The following RYR3 variants were observed in gnomAD, a reference collection of about 807,000 sequenced individuals.
The protein encoded by RYR3 is ryanodine receptor 3.
In RYR3, 207 loss-of-function variants were observed where a neutral mutation model predicts 584.3. That is an observed-to-expected ratio of 0.35 (90% CI 0.32 to 0.40). The LOEUF (loss-of-function observed/expected upper bound fraction) is 0.40, where lower values mean the gene tolerates loss of function less well. Among genes scored for constraint, RYR3 ranks in the 10% least tolerant of loss-of-function variants. The pLI is 1.00. For missense variants in RYR3, 5,616 were observed against 6,089.2 expected (o/e 0.92, Z 2.59); for synonymous variants, 2,416 against 2,248.5 (o/e 1.07, Z -2.11).
intron 19 of RYR3, among the ~76,000 whole-genome samples, 186 bp from the exon 20 acceptor site, chr15:33,623,621 G>A (rs145203248): frequency 1.3e-5 from 2 of 152,164 alleles, no homozygotes; most frequent in Admixed American, 1.3e-4. Context: ...CAGCCTTGAT[G>A]CTCACTTACC....
chr15:33,841,614 TAA>T (rs1296294342), intron 90 of RYR3, among the ~76,000 whole-genome samples: 11 of 152,180 alleles, frequency 7.2e-5, no homozygotes, highest in Non-Finnish European at 1.3e-4. Flanking sequence ...AAAAAATTGT[TAA>T]GTCTAATTTC....
intron 32 of RYR3, among the ~76,000 whole-genome samples, chr15:33,653,941 C>A (rs921257270): frequency 1.3e-5 from 2 of 152,150 alleles, no homozygotes; most frequent in Non-Finnish European, 2.9e-5. Context: ...TGTAACCAAG[C>A]AGTTCTCAAA....
chr15:33,419,400 C>T lies in RYR3; in HGVS notation c.52-54019C>T, dbSNP rs140650155. On this transcript the variant is annotated intron_variant, in intron 1 of 103. Transcript: ENST00000634891. ...AATCCATTTCAGGTGGAAAAGTTGG[C>T]TTTTGGAGGTGCATTGTGTGCCAGG... 2.0e-5 allele frequency among the ~76,000 whole-genome samples: 3 copies of T among 152,202 alleles called. No homozygotes were observed. In the East Asian group the frequency reaches 5.8e-4, roughly 29 times the overall value.
rs575589748 is a variant in RYR3 at position 33,780,178 on chromosome 15, G to A, written c.9138-33G>A. The A allele has an allele frequency of 5.4e-5, 86 of 1,607,326 alleles. No individual in the cohort carries two copies. The East Asian group carries it at 1.7e-3, about 31-fold the overall frequency. On this transcript the variant is annotated intron_variant, in intron 64 of 103. Coordinates refer to ENST00000634891, the MANE Select transcript of RYR3 (RefSeq NM_001036.6). Reference sequence around the variant, plus strand: ...AATGCATGGGGCCAGCATGTGGGGGGCCACACTTCTCAATGGACTTCTTTG... The same window carrying A: ...AATGCATGGGGCCAGCATGTGGGGGACCACACTTCTCAATGGACTTCTTTG...
chr15:33,492,415 AT>A (rs2051039548), intron 2 of RYR3, among the ~76,000 whole-genome samples: 1 of 151,158 alleles, frequency 6.6e-6, no homozygotes, highest in Admixed American at 6.6e-5. Context: ...GCTGCTAATT[AT>A]TTTTTAAATC....
intron 13 of RYR3, 55 bp from the exon 14 acceptor site, chr15:33,581,453 G>T: frequency 6.4e-7 from 1 of 1,559,292 alleles, no homozygotes; most frequent in South Asian, 1.1e-5. Flanking sequence ...AGAGCATAAG[G>T]GACTGTGCTT....
At chr15:33,442,745 C>G (rs537116321) in intron 1 of RYR3, among the ~76,000 whole-genome samples, 53 of 152,320 alleles carry the variant, frequency 3.5e-4, no homozygotes, top group Admixed American at 1.1e-3. Context: ...GGCACTCATC[C>G]AGTATCAGTA....
intron 1 of RYR3, among the ~76,000 whole-genome samples, chr15:33,421,602 A>G (rs1402825090): frequency 1.3e-5 from 2 of 152,166 alleles, no homozygotes; most frequent in Non-Finnish European, 2.9e-5. Context: ...GGTTTTTGAA[A>G]GATCAGTAGG....
At chr15:33,826,449 C>T (rs573850593) in intron 83 of RYR3, among the ~76,000 whole-genome samples, 180 bp downstream of exon 83, 1 of 152,258 alleles carries the variant, frequency 6.6e-6, no homozygotes, top group South Asian at 2.1e-4. Flanking sequence ...GGACCGTGAG[C>T]CATTTACTCT....
chr15:33,332,452 T>C (rs952430221), intron 1 of RYR3, among the ~76,000 whole-genome samples: 2 of 152,054 alleles, frequency 1.3e-5, no homozygotes, highest in Admixed American at 6.5e-5. Context: ...AGTTGAAAGA[T>C]ACAATTAATA....
intron 65 of RYR3, among the ~76,000 whole-genome samples, chr15:33,781,168 G>C (rs1037662277): frequency 6.6e-6 from 1 of 152,162 alleles, no homozygotes; most frequent in African/African-American, 2.4e-5. Flanking sequence ...GAGGGTGCTT[G>C]TATCTGGGTT....
intron 1 of RYR3, among the ~76,000 whole-genome samples, chr15:33,355,775 C>T (rs16969986): frequency 0.078 from 11,942 of 152,164 alleles, 554 homozygotes; most frequent in Middle Eastern, 0.12. Context: ...TAGGTATAAC[C>T]GGTGCCAATG....
At chr15:33,620,302 A>G (rs1247927028) in intron 19 of RYR3, among the ~76,000 whole-genome samples, 1 of 151,132 alleles carries the variant, frequency 6.6e-6, no homozygotes, top group African/African-American at 2.4e-5. Context: ...GTTTCTTGAA[A>G]CCCTTATCGT....
At chr15:33,648,686 G>A (rs539747438) in intron 30 of RYR3, among the ~76,000 whole-genome samples, 9 of 152,332 alleles carry the variant, frequency 5.9e-5, no homozygotes, top group Admixed American at 2.0e-4. Context: ...GACTGTGCCC[G>A]CTCTCTCCTG....
At chr15:33,857,736 A>C (rs1423861378) in intron 98 of RYR3, 44 bp from the exon 99 acceptor site, 2 of 1,611,434 alleles carry the variant, frequency 1.2e-6, no homozygotes, top group Non-Finnish European at 1.7e-6. Context: ...TTCAAGGTAG[A>C]GAAGACCCCA....
chr15:33,640,349 G>A (rs1348561755), intron 27 of RYR3, among the ~76,000 whole-genome samples: 1 of 152,170 alleles, frequency 6.6e-6, no homozygotes, highest in African/African-American at 2.4e-5. Context: ...CCATCTGCCT[G>A]TCATCTCCTG....
At chr15:33,622,938 A>G (rs977209922) in intron 19 of RYR3, among the ~76,000 whole-genome samples, 6 of 152,218 alleles carry the variant, frequency 3.9e-5, no homozygotes, top group South Asian at 2.1e-4. Flanking sequence ...CCTAACCCAT[A>G]TATATGAGGC....
intron 86 of RYR3, among the ~76,000 whole-genome samples, chr15:33,834,313 CACACACACACAGTG>C (rs769619695): frequency 1.2e-4 from 18 of 145,724 alleles, no homozygotes; most frequent in South Asian, 6.5e-4. Context: ...CACACACACA[CACACACACACAGTG>C]AGATTAACAT....
chr15:33,444,168 C>T (rs938543975), intron 1 of RYR3, among the ~76,000 whole-genome samples: 12 of 152,048 alleles, frequency 7.9e-5, no homozygotes, highest in Admixed American at 7.2e-4. Flanking sequence ...CTGTGGGGTT[C>T]GTGTACAAAG....
Sources: allele counts gnomAD v4.1 joint callset (sites outside exome capture counted in the v4.1 genomes callset), GRCh38; gene constraint gnomAD v4.1.1; transcripts MANE v1.5; gene names NCBI Gene and HGNC (gene_info 2026-07-23, HGNC 2026-07-21).